The following ADAM22 variants were observed in gnomAD, a reference collection of about 807,000 sequenced individuals.
ADAM22 encodes the protein ADAM metallopeptidase domain 22, also known as disintegrin and metalloproteinase domain-containing protein 22.
ADAM22 carries 65 observed loss-of-function variants against 144.6 expected under a neutral mutation model. The observed-to-expected ratio is 0.45, with a 90% confidence interval of 0.37 to 0.55. The LOEUF (loss-of-function observed/expected upper bound fraction) is 0.55. Ranked by LOEUF, ADAM22 falls within the 20% of genes least tolerant of loss-of-function variation. The pLI, the probability that ADAM22 is intolerant of heterozygous loss-of-function variation, is 0.00. For synonymous variants in ADAM22, 391 were observed against 412.6 expected (o/e 0.95, Z 0.63); for missense variants, 974 against 1,184.9 (o/e 0.82, Z 2.61).
intron 30 of ADAM22, among the ~76,000 whole-genome samples, chr7:88,192,075 A>G (rs1586657836): frequency 6.6e-6 from 1 of 152,214 alleles, no homozygotes; most frequent in Admixed American, 6.5e-5. Context: ...ATCTTGACCT[A>G]CCTAGTGCTA....
chr7:88,166,916 G>T (rs1379450774), intron 24 of ADAM22, among the ~76,000 whole-genome samples: 1 of 152,120 alleles, frequency 6.6e-6, no homozygotes, highest in Non-Finnish European at 1.5e-5. Context: ...AAAAGGAAGG[G>T]GGGGCAGACA....
intron 5 of ADAM22, among the ~76,000 whole-genome samples, chr7:88,108,737 T>A (rs1015733841): frequency 6.7e-6 from 1 of 148,640 alleles, no homozygotes; most frequent in African/African-American, 2.5e-5. Context: ...TCAAAAAAAA[T>A]AAAGAAAGAA....
intron 13 of ADAM22, 29 bp downstream of exon 13, chr7:88,134,448 G>A (rs1470911196): frequency 1.3e-6 from 2 of 1,508,200 alleles, no homozygotes; most frequent in African/African-American, 2.8e-5. Context: ...GTGGTTAGTT[G>A]TATTTAAAAT....
At chr7:88,108,385 A>AT (rs373263735) in intron 5 of ADAM22, 127 bp downstream of exon 5, 5,555 of 674,258 alleles carry the variant, frequency 8.2e-3, no homozygotes, top group East Asian at 9.6e-3. Context: ...GATGGATCTG[A>AT]TTTTTTTTTT....
chr7:88,001,158 AT>A (rs1234808064), intron 3 of ADAM22, among the ~76,000 whole-genome samples: 1 of 152,216 alleles, frequency 6.6e-6, no homozygotes, highest in Non-Finnish European at 1.5e-5. Flanking sequence ...CAGGTTAAAT[AT>A]TTCTTATCCA....
chr7:88,080,982 C>T (rs559232280), intron 4 of ADAM22, among the ~76,000 whole-genome samples: 1 of 152,206 alleles, frequency 6.6e-6, no homozygotes, highest in African/African-American at 2.4e-5. Context: ...TCCTCCCTAA[C>T]TCATTTTATG....
intron 3 of ADAM22, among the ~76,000 whole-genome samples, chr7:88,022,264 A>G (rs1798004886): frequency 6.6e-6 from 1 of 152,030 alleles, no homozygotes; most frequent in South Asian, 2.1e-4. Flanking sequence ...TATTAATGTG[A>G]CCTCTGCTTT....
chr7:88,109,732 G>GAA (rs113002143), intron 5 of ADAM22, among the ~76,000 whole-genome samples: 20 of 127,856 alleles, frequency 1.6e-4, no homozygotes, highest in Non-Finnish European at 2.9e-4. Context: ...AGAGAGAGAG[G>GAA]AAAAAAAAAA....
chr7:88,165,623 C>T (rs13243228), intron 23 of ADAM22, among the ~76,000 whole-genome samples: 6,621 of 151,754 alleles, frequency 0.044, 233 homozygotes, highest in Admixed American at 0.11. Flanking sequence ...TAAAATTCAT[C>T]GTTCCCTTTG....
chr7:88,155,377 G>T (rs991998001), intron 21 of ADAM22, among the ~76,000 whole-genome samples: 1 of 151,878 alleles, frequency 6.6e-6, no homozygotes, highest in South Asian at 2.1e-4. Flanking sequence ...TTAAAAGTTA[G>T]TTGGGTCTGG....
intron 3 of ADAM22, among the ~76,000 whole-genome samples, chr7:88,069,561 T>C (rs752429081): frequency 6.6e-6 from 1 of 152,200 alleles, no homozygotes; most frequent in Non-Finnish European, 1.5e-5. Context: ...CCACAGTTTG[T>C]CCTTTGGCCA....
chr7:88,008,195 A>G (rs985310457), intron 3 of ADAM22, among the ~76,000 whole-genome samples: 2 of 151,190 alleles, frequency 1.3e-5, no homozygotes, highest in Non-Finnish European at 3.0e-5. Context: ...CAAAACCACA[A>G]TGAGATACCA....
At chr7:88,109,710 T>A (rs1457160602) in intron 5 of ADAM22, among the ~76,000 whole-genome samples, 2 of 149,800 alleles carry the variant, frequency 1.3e-5, no homozygotes, top group Non-Finnish European at 3.0e-5. Flanking sequence ...GTATATTTGC[T>A]TTTTTTTTGA....
chr7:88,058,994 A>G (rs534297665), intron 3 of ADAM22, among the ~76,000 whole-genome samples: 1 of 152,246 alleles, frequency 6.6e-6, no homozygotes, highest in East Asian at 1.9e-4. Context: ...GGGCATAGTC[A>G]GCTGAGGGCA....
intron 3 of ADAM22, among the ~76,000 whole-genome samples, chr7:88,006,565 G>T (rs1584964971): frequency 6.6e-6 from 1 of 150,910 alleles, no homozygotes; most frequent in East Asian, 1.9e-4. Context: ...GATCAAGTGG[G>T]CTTCATCCCT....
At position 87,983,828 on chromosome 7, in the gene ADAM22, T is replaced by C. The variant is rs76884640; in HGVS notation, c.323+5416T>C. ...AATATCTTTTGTCTTATATTTTAAG[T>C]AATAGGTATTAGATTTTATTGAATG... On this transcript the variant is annotated intron_variant, in intron 3 of 31. Coordinates refer to ENST00000413139, the MANE Select transcript of ADAM22 (RefSeq NM_001324418.2). Among the ~76,000 whole-genome samples the C allele has an allele frequency of 0.013, 1,920 of 152,274 alleles. 109 individuals are homozygous for C. In the East Asian group the frequency reaches 0.17, roughly 14 times the overall value.
At chr7:87,964,492 A>C in intron 2 of ADAM22, 1 of 269,356 alleles carries the variant, frequency 3.7e-6, no homozygotes, top group South Asian at 3.9e-5. Context: ...AGCTCCAATA[A>C]ATAATAGAAG....
intron 3 of ADAM22, among the ~76,000 whole-genome samples, chr7:88,065,890 A>G (rs977203360): frequency 4.6e-5 from 7 of 152,110 alleles, no homozygotes; most frequent in African/African-American, 1.7e-4. Context: ...CTCCATGAAA[A>G]TTCTACAAAA....
At chr7:87,964,119 C>G (rs1174096367) in intron 2 of ADAM22, among the ~76,000 whole-genome samples, 1 of 152,180 alleles carries the variant, frequency 6.6e-6, no homozygotes, top group African/African-American at 2.4e-5. Flanking sequence ...TATCCTATCT[C>G]CCTCATTTAG....
Sources: allele counts gnomAD v4.1 joint callset (sites outside exome capture counted in the v4.1 genomes callset), GRCh38; gene constraint gnomAD v4.1.1; transcripts MANE v1.5; gene names NCBI Gene and HGNC (gene_info 2026-07-23, HGNC 2026-07-21).